Variants in TEX2 observed in about 807,000 individuals in gnomAD.
TEX2 encodes the protein testis-expressed protein 2.
TEX2 carries 53 observed loss-of-function variants against 106.9 expected under a neutral mutation model. The observed-to-expected ratio is 0.50, with a 90% CI of 0.40 to 0.62. The LOEUF is 0.62. Among genes scored for constraint, TEX2 ranks in the 20% least tolerant of loss-of-function variants. The pLI is 0.00. For missense variants in TEX2, 1,207 were observed against 1,379.0 expected, an observed-to-expected ratio of 0.88 and a Z score of 1.98; for synonymous variants, 523 against 534.8, an observed-to-expected ratio of 0.98 and a Z score of 0.30.
chr17:64,247,766 C>A (rs1362582458), intron 1 of TEX2, among the ~76,000 whole-genome samples: 1 of 152,112 alleles, frequency 6.6e-6, no homozygotes, highest in Non-Finnish European at 1.5e-5. Context: ...CAGTTGCGGG[C>A]TTTTTGAAAG....
At chr17:64,183,723 C>T (rs2031970410) in intron 5 of TEX2, among the ~76,000 whole-genome samples, 1 of 152,110 alleles carries the variant, frequency 6.6e-6, no homozygotes, top group African/African-American at 2.4e-5. Flanking sequence ...CCACCGCACC[C>T]GGCCAAGGAT....
chr17:64,185,922 CA>C lies in TEX2; in HGVS notation c.2424+2245del, dbSNP rs1271589206. On this transcript the variant is annotated intron_variant, in intron 5 of 11. Transcript: ENST00000584379. This position sits in a 1 kb window ranked among gnomAD's most constrained non-coding sequence, Gnocchi z 4.0. ...GGGGAAAAAGAGCAAAACTCCATCT[CA>C]AAAAAAAAAGTCATCAGACTTAGAA... Among the ~76,000 whole-genome samples, 8 of 146,922 alleles carry C rather than the reference CA, an allele frequency of 5.4e-5. No homozygotes were observed. Among genetic ancestry groups the C allele is most frequent in the Admixed American group, 6.8e-5 (1 of 14,756 alleles).
chr17:64,201,547 T>C (rs1441064547), intron 2 of TEX2, among the ~76,000 whole-genome samples: 5 of 152,160 alleles, frequency 3.3e-5, no homozygotes, highest in Admixed American at 1.3e-4. Flanking sequence ...AGAGAGGGGA[T>C]GTGATTTGCC....
At chr17:64,244,799 CT>C (rs1452092000) in intron 1 of TEX2, among the ~76,000 whole-genome samples, 2 of 152,028 alleles carry the variant, frequency 1.3e-5, no homozygotes, top group Non-Finnish European at 2.9e-5. Flanking sequence ...TCTCTAGTTG[CT>C]TTTTCAAATA....
chr17:64,201,840 A>G (rs2032672867), intron 2 of TEX2, among the ~76,000 whole-genome samples: 1 of 152,196 alleles, frequency 6.6e-6, no homozygotes. Flanking sequence ...TCTGCCAACC[A>G]CAACTGTAAC....
chr17:64,180,506 AAAG>A (rs2031810898), intron 5 of TEX2, among the ~76,000 whole-genome samples: 1 of 152,246 alleles, frequency 6.6e-6, no homozygotes, highest in African/African-American at 2.4e-5. Flanking sequence ...ATAATGCATC[AAAG>A]AAGCTTTTAT....
chr17:64,163,561 T>C (rs1204721276), intron 7 of TEX2, among the ~76,000 whole-genome samples: 1 of 152,198 alleles, frequency 6.6e-6, no homozygotes, highest in Non-Finnish European at 1.5e-5. Context: ...GCATTAAGTG[T>C]AGGAGAAATT....
chr17:64,256,227 C>A (rs1336727046), intron 1 of TEX2: 3 of 152,296 alleles, frequency 2.0e-5, no homozygotes, highest in Admixed American at 6.5e-5. Context: ...TCCCCACAGC[C>A]CTGAGAGTCA....
intron 6 of TEX2, among the ~76,000 whole-genome samples, chr17:64,175,976 C>A (rs2031600986): frequency 1.3e-5 from 2 of 152,208 alleles, no homozygotes; most frequent in South Asian, 4.1e-4. Flanking sequence ...TGGGGAGAGG[C>A]TGAGTGAGCT....
At chr17:64,158,670 A>G (rs574272625) in intron 8 of TEX2, among the ~76,000 whole-genome samples, 1 of 152,308 alleles carries the variant, frequency 6.6e-6, no homozygotes, top group East Asian at 1.9e-4. Context: ...TTAACCACGG[A>G]TGGGCTTTCA....
intron 8 of TEX2, among the ~76,000 whole-genome samples, chr17:64,159,985 T>C (rs2030809801): frequency 6.6e-6 from 1 of 152,242 alleles, no homozygotes; most frequent in Non-Finnish European, 1.5e-5. Flanking sequence ...CAGTATCTTA[T>C]ATTTAGACCC....
In TEX2 at chr17:64,213,199, C is replaced by T. The variant is rs868951850; in HGVS notation, c.1019G>A (p.Ser340Asn). 5 of 1,614,192 alleles carry T rather than the reference C, an allele frequency of 3.1e-6. No homozygotes were observed. The highest frequency in any genetic ancestry group is 4.2e-6 in the Non-Finnish European group (5 of 1,180,034). ...CTCCTTGATGCTGTAGTTGTTATTG[C>T]TTTCCAAGTGCCCATTCAAGCTGGA... ...NLSSLNGHLE[S>N]NNNYSIKEEE... Residue 340 changes from serine (S) to asparagine (N), a missense_variant, in exon 2 of 12, where the codon AGC (serine) becomes AAC (asparagine). Ser to Asn is a conservative substitution (Grantham distance 46). Around this residue, in one of 3 missense-constraint regions of TEX2, gnomAD observed 1,067 missense variants for 1,193.6 expected, o/e 0.89. Transcript: ENST00000584379. The surrounding 1 kb of genome is among the most constrained non-coding windows in gnomAD (Gnocchi z 4.4).
At position 64,213,137 on chromosome 17, in the gene TEX2, C is replaced by A. The variant is rs1555631896; in HGVS notation, c.1081G>T (p.Asp361Tyr). The A allele has an allele frequency of 3.1e-6, 5 of 1,614,080 alleles. No individual in the cohort carries two copies. Among genetic ancestry groups the A allele is most frequent in the Non-Finnish European group, 4.2e-6 (5 of 1,180,046 alleles). ...CDSEGDGYGSDSNIPRSDHPK... is the reference protein window; with the variant it reads ...CDSEGDGYGSYSNIPRSDHPK... ...TGGTCACTTCTGGGGATGTTGGAAT[C>A]ACTTCCGTAGCCATCCCCCTCAGAA... The change falls in exon 2 of 12, where the codon GAT becomes TAT. Residue 361 changes from aspartate to tyrosine, a missense_variant. Asp to Tyr is a radical substitution (Grantham distance 160, BLOSUM62 -3). Around this residue, in one of 3 missense-constraint regions of TEX2, gnomAD observed 1,067 missense variants for 1,193.6 expected, o/e 0.89. Transcript: ENST00000584379. This position sits in a 1 kb window ranked among gnomAD's most constrained non-coding sequence, Gnocchi z 4.4.
At chr17:64,261,344 C>T (rs2034283940) in intron 1 of TEX2, among the ~76,000 whole-genome samples, 1 of 152,148 alleles carries the variant, frequency 6.6e-6, no homozygotes, top group Admixed American at 6.5e-5. Context: ...CCAAAACATG[C>T]TACGTATTTA....
intron 1 of TEX2, among the ~76,000 whole-genome samples, chr17:64,235,225 GT>G (rs1285377518): frequency 6.6e-6 from 1 of 152,222 alleles, no homozygotes; most frequent in Admixed American, 6.5e-5. Context: ...GAAAAAGAAA[GT>G]GGTTTAGGCA....
intron 6 of TEX2, among the ~76,000 whole-genome samples, 158 bp downstream of exon 6, chr17:64,177,167 A>G (rs934954015): frequency 1.3e-5 from 2 of 152,228 alleles, no homozygotes; most frequent in African/African-American, 4.8e-5. Context: ...TCATAAGGTC[A>G]GTCTGTGATC....
chr17:64,239,165 A>G (rs1162898605), intron 1 of TEX2: 2 of 152,226 alleles, frequency 1.3e-5, no homozygotes, highest in African/African-American at 2.4e-5. Flanking sequence ...ACCAATGCCC[A>G]AGACAGGAAA....
chr17:64,213,635 G>C lies in TEX2; in HGVS notation c.583C>G (p.Leu195Val), dbSNP rs755736755. ...TCTTTTGGCTCCACCTCGGTCGACA[G>C]GGACTTCACAAGGCTCATGAAGGGT... ...AKPFMSLVKS[L>V]STEVEPKESP... The change falls in exon 2 of 12, where the codon CTG (leucine) becomes GTG (valine). Residue 195 changes from leucine (L) to valine (V), a missense_variant. Leu to Val is a conservative substitution (Grantham distance 32, BLOSUM62 1). Coordinates refer to ENST00000584379, the MANE Select transcript of TEX2 (RefSeq NM_001288732.2). The surrounding 1 kb of genome is among the most constrained non-coding windows in gnomAD (Gnocchi z 4.4). 9.9e-6 allele frequency: 16 copies of C among 1,614,022 alleles called. No homozygotes were observed. In the Admixed American group the frequency reaches 2.5e-4, roughly 25 times the overall value.
intron 1 of TEX2, among the ~76,000 whole-genome samples, chr17:64,249,903 G>A (rs1555636751): frequency 6.6e-6 from 1 of 152,090 alleles, no homozygotes; most frequent in Non-Finnish European, 1.5e-5. Flanking sequence ...TAATGTTCCT[G>A]CTTCACTATT....
Sources: allele counts gnomAD v4.1 joint callset (sites outside exome capture counted in the v4.1 genomes callset), GRCh38; gene constraint gnomAD v4.1.1; regional missense constraint gnomAD v4.1.1; non-coding constraint Gnocchi (gnomAD v3.1); transcripts MANE v1.5; gene names NCBI Gene and HGNC (gene_info 2026-07-23, HGNC 2026-07-21).